Variants in GLI3 observed in about 807,000 individuals in gnomAD.
GLI3 encodes the protein GLI family zinc finger 3.
GLI3 carries 20 observed loss-of-function variants against 100.8 expected under a neutral mutation model. The observed-to-expected ratio is 0.20, with a 90% CI of 0.14 to 0.29. The LOEUF (loss-of-function observed/expected upper bound fraction) is 0.29, where lower values mean the gene tolerates loss of function less well. GLI3 is among the 10% of genes least tolerant of loss of function. GLI3 has a pLI of 1.00. For missense variants in GLI3, 2,040 were observed against 2,128.5 expected, an observed-to-expected ratio of 0.96 and a Z score of 0.82; for synonymous variants, 938 against 860.5, an observed-to-expected ratio of 1.09 and a Z score of -1.58.
chr7:41,990,817 T>C (rs1416043925), intron 10 of GLI3, among the ~76,000 whole-genome samples: 1 of 152,006 alleles, frequency 6.6e-6, no homozygotes, highest in Non-Finnish European at 1.5e-5. Context: ...TCTTACACGG[T>C]AAGTGCTGGG....
chr7:42,046,532 T>G (rs1272990601), intron 5 of GLI3, among the ~76,000 whole-genome samples: 1 of 152,202 alleles, frequency 6.6e-6, no homozygotes, highest in Non-Finnish European at 1.5e-5. Flanking sequence ...TTAACTGGAT[T>G]CTTGAGAGGC....
At chr7:42,093,379 C>CAA (rs545971639) in intron 3 of GLI3, among the ~76,000 whole-genome samples, 7,624 of 102,632 alleles carry the variant, frequency 0.074, 419 homozygotes, top group African/African-American at 0.17. Flanking sequence ...AACAATGTCT[C>CAA]AAAAAAAAAA....
rs374123528 is a variant in GLI3, at chr7:42,148,394, C to T, written c.199G>A (p.Gly67Arg). 7 of 1,613,864 alleles carry T rather than the reference C, an allele frequency of 4.3e-6. No homozygotes were observed. The highest frequency in any genetic ancestry group is 1.3e-5 in the African/African-American group (1 of 74,940). Residue 67 changes from glycine to arginine, a missense_variant, in exon 3 of 15, where the codon GGG (glycine) becomes AGG (arginine). Gly to Arg is a moderately radical substitution (Grantham distance 125). Around this residue, in one of 5 missense-constraint regions of GLI3, gnomAD observed 603 missense variants for 690.9 expected, o/e 0.87. Coordinates refer to ENST00000395925, the MANE Select transcript of GLI3 (RefSeq NM_000168.6). ...AITMQPQNVQGLSKVSEEPST... is the reference protein window; with the variant it reads ...AITMQPQNVQRLSKVSEEPST... ...GGTTCCTCACTGACTTTGCTGAGCCCCTGGACATTCTGTGGCTGCATAGTG... is the reference window on the plus strand; with the variant it reads ...GGTTCCTCACTGACTTTGCTGAGCCTCTGGACATTCTGTGGCTGCATAGTG...
chr7:42,218,326 G>C (rs1788416609), intron 2 of GLI3, among the ~76,000 whole-genome samples: 1 of 151,898 alleles, frequency 6.6e-6, no homozygotes, highest in South Asian at 2.1e-4. Flanking sequence ...AGAGCTTATG[G>C]TGAAGAATAG....
At chr7:42,055,975 C>T (rs572847998) in intron 4 of GLI3, among the ~76,000 whole-genome samples, 1 of 152,124 alleles carries the variant, frequency 6.6e-6, no homozygotes, top group African/African-American at 2.4e-5. Flanking sequence ...GGTCTGTTCT[C>T]CTGATGTTGA....
chr7:42,051,048 C>G lies in GLI3; in HGVS notation c.474-2352G>C, dbSNP rs75594481. ...TTCACTTGGATTCAAGCCTTTCCCA[C>G]CAGGACACTGAAGGTACCTACTAAA... On this transcript the variant is annotated intron_variant, in intron 4 of 14. Transcript: ENST00000395925. 1.0e-3 allele frequency among the ~76,000 whole-genome samples: 155 copies of G among 152,316 alleles called. 2 individuals are homozygous for G. In the East Asian group the frequency reaches 0.025, roughly 25 times the overall value.
chr7:42,001,617 C>A (rs1788298447), intron 10 of GLI3, among the ~76,000 whole-genome samples: 1 of 151,930 alleles, frequency 6.6e-6, no homozygotes, highest in Non-Finnish European at 1.5e-5. Context: ...TACTAAGGAA[C>A]AAAGGGATGG....
chr7:42,173,183 C>G (rs939819376), intron 2 of GLI3, among the ~76,000 whole-genome samples: 1 of 152,196 alleles, frequency 6.6e-6, no homozygotes, highest in Non-Finnish European at 1.5e-5. Flanking sequence ...GCAACCTCCA[C>G]GAGCACTAGG....
intron 10 of GLI3, among the ~76,000 whole-genome samples, chr7:41,987,101 G>GTCACACAC (rs1787849998): frequency 7.1e-6 from 1 of 140,614 alleles, no homozygotes; most frequent in Non-Finnish European, 1.5e-5. Context: ...CACAGACACA[G>GTCACACAC]ACACACACAC....
intron 6 of GLI3, among the ~76,000 whole-genome samples, chr7:42,043,496 A>T (rs575474422): frequency 2.5e-4 from 38 of 152,346 alleles, no homozygotes; most frequent in African/African-American, 8.2e-4. Context: ...TCCTTCTTAA[A>T]TATAAGCCAG....
chr7:42,138,754 G>A (rs894823371), intron 3 of GLI3, among the ~76,000 whole-genome samples: 3 of 152,212 alleles, frequency 2.0e-5, no homozygotes, highest in Admixed American at 2.0e-4. Context: ...AAATTACCTA[G>A]GAAACAGGCA....
At chr7:42,155,488 A>T (rs1165074864) in intron 2 of GLI3, among the ~76,000 whole-genome samples, 4 of 151,862 alleles carry the variant, frequency 2.6e-5, no homozygotes, top group Non-Finnish European at 5.9e-5. Flanking sequence ...TCAGAGCCAT[A>T]GAGTAGCTTA....
upstream of GLI3, among the ~76,000 whole-genome samples, chr7:42,240,840 G>C (rs1009155157): frequency 5.3e-5 from 8 of 152,304 alleles, no homozygotes; most frequent in African/African-American, 9.6e-5. Flanking sequence ...ACGCAAGAGA[G>C]AGAACAAAGG....
chr7:41,998,556 C>T (rs1249018825), intron 10 of GLI3, among the ~76,000 whole-genome samples: 1 of 152,110 alleles, frequency 6.6e-6, no homozygotes, highest in Non-Finnish European at 1.5e-5. Flanking sequence ...CTTTTAACAC[C>T]TCTCATCAGA....
At chr7:42,080,072 T>C (rs952673883) in intron 3 of GLI3, among the ~76,000 whole-genome samples, 1 of 152,226 alleles carries the variant, frequency 6.6e-6, no homozygotes, top group African/African-American at 2.4e-5. Context: ...CAAGGACATT[T>C]AAAAGACACT....
intron 2 of GLI3, among the ~76,000 whole-genome samples, chr7:42,185,264 C>T (rs1583630561): frequency 6.6e-6 from 1 of 152,188 alleles, no homozygotes; most frequent in East Asian, 1.9e-4. Context: ...ATATTCAAAT[C>T]CACTGTAATT....
chr7:42,218,296 A>T (rs1404951864), intron 2 of GLI3, among the ~76,000 whole-genome samples: 5 of 151,222 alleles, frequency 3.3e-5, no homozygotes, highest in African/African-American at 9.8e-5. Flanking sequence ...TCTTACCATT[A>T]AAAAAAAGTC....
At chr7:42,024,856 A>G (rs1306175211) in intron 9 of GLI3, among the ~76,000 whole-genome samples, 1 of 152,194 alleles carries the variant, frequency 6.6e-6, no homozygotes, top group Non-Finnish European at 1.5e-5. Flanking sequence ...AGGAGCCATC[A>G]GTAGATCCGC....
At chr7:42,021,205 T>C (rs918571137) in intron 10 of GLI3, among the ~76,000 whole-genome samples, 3 of 152,238 alleles carry the variant, frequency 2.0e-5, no homozygotes, top group Admixed American at 1.3e-4. Context: ...AAATTATAAT[T>C]CTTAATTCAT....
Sources: allele counts gnomAD v4.1 joint callset (sites outside exome capture counted in the v4.1 genomes callset), GRCh38; gene constraint gnomAD v4.1.1; regional missense constraint gnomAD v4.1.1; transcripts MANE v1.5; gene names NCBI Gene and HGNC (gene_info 2026-07-23, HGNC 2026-07-21).